Variants in XKR4 observed in about 807,000 individuals in gnomAD.
The protein encoded by XKR4 is XK-related protein 4.
XKR4 carries 12 observed loss-of-function variants against 53.9 expected under a neutral mutation model. The ratio of observed to expected loss-of-function variants is 0.22; its 90% CI spans 0.14 to 0.36. The LOEUF (loss-of-function observed/expected upper bound fraction) is 0.36. Among genes scored for constraint, XKR4 ranks in the 10% least tolerant of loss-of-function variants. The probability of loss-of-function intolerance (pLI) is 1.00; values close to 1 mark genes in which losing one functional copy is unlikely to be tolerated. For synonymous variants in XKR4, 354 were observed against 362.4 expected (o/e 0.98, Z 0.26); for missense variants, 799 against 859.5 (o/e 0.93, Z 0.88).
intron 1 of XKR4, among the ~76,000 whole-genome samples, chr8:55,344,973 G>A (rs1336935511): frequency 2.0e-5 from 3 of 152,172 alleles, no homozygotes; most frequent in Non-Finnish European, 4.4e-5. Context: ...AAGGAGACCA[G>A]GTGCAGTGGC....
chr8:55,452,017 T>TAA (rs1180268106), intron 2 of XKR4: 1 of 767,768 alleles, frequency 1.3e-6, no homozygotes, highest in African/African-American at 1.7e-5. Flanking sequence ...TTGACGTTCT[T>TAA]AACCAGGTTC....
chr8:55,168,247 A>G (rs1817097564), intron 1 of XKR4, among the ~76,000 whole-genome samples: 1 of 152,170 alleles, frequency 6.6e-6, no homozygotes, highest in Admixed American at 6.5e-5. Flanking sequence ...GACCCTGAGT[A>G]GAAGAGCTGT....
intron 2 of XKR4, chr8:55,452,387 C>T (rs1262234626): frequency 7.9e-6 from 5 of 629,988 alleles, no homozygotes; most frequent in South Asian, 1.7e-5. Flanking sequence ...TGACCCGGTA[C>T]GTAGTGAGGA....
intron 2 of XKR4, among the ~76,000 whole-genome samples, chr8:55,398,404 C>A (rs1193779681): frequency 2.0e-5 from 3 of 152,184 alleles, no homozygotes; most frequent in Admixed American, 1.3e-4. Context: ...CTGCAGATAT[C>A]ATTTTATATA....
At chr8:55,494,924 G>A (rs1318978037) in intron 2 of XKR4, among the ~76,000 whole-genome samples, 1 of 152,136 alleles carries the variant, frequency 6.6e-6, no homozygotes, top group South Asian at 2.1e-4. Flanking sequence ...CTGGAAGGTG[G>A]GGCATCACCA....
At chr8:55,149,525 A>C (rs762830799) in intron 1 of XKR4, among the ~76,000 whole-genome samples, 24 of 152,230 alleles carry the variant, frequency 1.6e-4, no homozygotes, top group Non-Finnish European at 2.6e-4. Context: ...AAAAAGTTTA[A>C]ATTTATACAT....
chr8:55,172,699 T>A (rs1254741438), intron 1 of XKR4, among the ~76,000 whole-genome samples: 1 of 152,214 alleles, frequency 6.6e-6, no homozygotes, highest in African/African-American at 2.4e-5. Context: ...AGTCTGTCTG[T>A]TCATACAGAC....
At chr8:55,453,018 T>C (rs867531) in intron 2 of XKR4, 275,101 of 641,924 alleles carry the variant, frequency 0.43, 60,538 homozygotes, top group East Asian at 0.49. Flanking sequence ...TAGGGCAGAG[T>C]GCTCTCTCAT....
At chr8:55,225,827 T>C (rs551573624) in intron 1 of XKR4, among the ~76,000 whole-genome samples, 1 of 152,346 alleles carries the variant, frequency 6.6e-6, no homozygotes, top group Admixed American at 6.5e-5. Flanking sequence ...ATACTCCACA[T>C]AAAATGTACT....
chr8:55,312,433 G>C (rs1484815162), intron 1 of XKR4, among the ~76,000 whole-genome samples: 2 of 152,116 alleles, frequency 1.3e-5, no homozygotes, highest in African/African-American at 4.8e-5. Context: ...GGCAGAATAA[G>C]AAGGCATATT....
chr8:55,128,531 T>C (rs1816507336), intron 1 of XKR4, among the ~76,000 whole-genome samples: 1 of 152,236 alleles, frequency 6.6e-6, no homozygotes, highest in Non-Finnish European at 1.5e-5. Context: ...AGTCTGACTT[T>C]GAGGCAAGCC....
At chr8:55,467,046 G>T (rs1805785628) in intron 2 of XKR4, among the ~76,000 whole-genome samples, 1 of 152,126 alleles carries the variant, frequency 6.6e-6, no homozygotes, top group African/African-American at 2.4e-5. Flanking sequence ...TGTCTCACAA[G>T]GCTGCATTCA....
At chr8:55,187,479 G>C (rs1817395833) in intron 1 of XKR4, among the ~76,000 whole-genome samples, 1 of 152,104 alleles carries the variant, frequency 6.6e-6, no homozygotes, top group Non-Finnish European at 1.5e-5. Context: ...AATTAGGAAG[G>C]GGCTTTAATG....
At chr8:55,136,501 G>A (rs1816632481) in intron 1 of XKR4, among the ~76,000 whole-genome samples, 1 of 152,184 alleles carries the variant, frequency 6.6e-6, no homozygotes, top group Admixed American at 6.5e-5. Context: ...AGTAGTATGT[G>A]GGTAATAGTG....
At chr8:55,225,490 C>G (rs1243709591) in intron 1 of XKR4, among the ~76,000 whole-genome samples, 1 of 152,146 alleles carries the variant, frequency 6.6e-6, no homozygotes, top group African/African-American at 2.4e-5. Context: ...GCTCAGCGAC[C>G]AATGGTCCTA....
At chr8:55,482,249 A>G (rs959832486) in intron 2 of XKR4, among the ~76,000 whole-genome samples, 1 of 152,104 alleles carries the variant, frequency 6.6e-6, no homozygotes, top group Non-Finnish European at 1.5e-5. Flanking sequence ...CTTTGTAGGG[A>G]CATGGATGAA....
chr8:55,136,525 A>G (rs1035064680), intron 1 of XKR4, among the ~76,000 whole-genome samples: 2 of 152,244 alleles, frequency 1.3e-5, no homozygotes, highest in African/African-American at 4.8e-5. Flanking sequence ...TGAATATAAT[A>G]TCAACGCTCC....
At chr8:55,500,181 C>CAAA (rs36233927) in intron 2 of XKR4, among the ~76,000 whole-genome samples, 62 of 115,568 alleles carry the variant, frequency 5.4e-4, no homozygotes, top group African/African-American at 2.1e-3. Flanking sequence ...CAAATTGGGC[C>CAAA]AAAAAAAAAA....
chr8:55,288,356 G>C (rs1020396511), intron 1 of XKR4, among the ~76,000 whole-genome samples: 2 of 152,222 alleles, frequency 1.3e-5, no homozygotes, highest in Admixed American at 1.3e-4. Context: ...AGTTGCTAAA[G>C]ATGTTGCCAG....
Sources: allele counts gnomAD v4.1 joint callset (sites outside exome capture counted in the v4.1 genomes callset), GRCh38; gene constraint gnomAD v4.1.1; transcripts MANE v1.5; gene names NCBI Gene and HGNC (gene_info 2026-07-23, HGNC 2026-07-21).